The following DNAH5 variants were observed in gnomAD, a reference collection of about 807,000 sequenced individuals.
DNAH5 encodes the protein dynein axonemal heavy chain 5.
A neutral mutation model predicts 518.2 loss-of-function variants in DNAH5; 372 were observed. The observed-to-expected ratio is 0.72, with a 90% CI of 0.66 to 0.78. The LOEUF is 0.78. DNAH5 is among the 30% of genes least tolerant of loss of function. The pLI is 0.00. For missense variants in DNAH5, 5,523 were observed against 5,687.0 expected, an observed-to-expected ratio of 0.97 and a Z score of 0.93; for synonymous variants, 2,039 against 2,025.9, an observed-to-expected ratio of 1.01 and a Z score of -0.17.
intron 1 of DNAH5, among the ~76,000 whole-genome samples, chr5:13,952,466 G>T (rs993083463): frequency 1.3e-5 from 2 of 152,200 alleles, no homozygotes; most frequent in African/African-American, 4.8e-5. Flanking sequence ...CAGAAAGAGA[G>T]CACTTGGTGG....
At chr5:13,961,534 C>T (rs1021460723) in intron 1 of DNAH5, among the ~76,000 whole-genome samples, 5 of 152,094 alleles carry the variant, frequency 3.3e-5, no homozygotes, top group Admixed American at 2.6e-4. Flanking sequence ...ATCCCAGCTA[C>T]TCAGGAAGCT....
intron 49 of DNAH5, among the ~76,000 whole-genome samples, chr5:13,793,091 G>C (rs1341358985): frequency 6.6e-6 from 1 of 152,150 alleles, no homozygotes; most frequent in Non-Finnish European, 1.5e-5. Flanking sequence ...TCTGCGCTCT[G>C]GGTGCCATTA....
intron 72 of DNAH5, 94 bp downstream of exon 72, chr5:13,718,788 A>G (rs1744645019): frequency 2.8e-6 from 3 of 1,060,538 alleles, no homozygotes; most frequent in Admixed American, 1.9e-5. Context: ...ACTATTTGCT[A>G]TAACTGTATC....
intron 21 of DNAH5, among the ~76,000 whole-genome samples, chr5:13,878,488 G>A (rs1304538361): frequency 6.6e-6 from 1 of 152,154 alleles, no homozygotes; most frequent in African/African-American, 2.4e-5. Flanking sequence ...GAGCTAATGA[G>A]GCAAACAAAC....
chr5:13,920,813 G>C (rs1423113019), intron 5 of DNAH5, among the ~76,000 whole-genome samples, 196 bp from the exon 6 acceptor site: 1 of 151,910 alleles, frequency 6.6e-6, no homozygotes, highest in Non-Finnish European at 1.5e-5. Context: ...ACTTCCCTGT[G>C]ATCCTACACA....
At chr5:13,693,925 A>C (rs763748442) in intron 78 of DNAH5, among the ~76,000 whole-genome samples, 1 of 152,248 alleles carries the variant, frequency 6.6e-6, no homozygotes, top group East Asian at 1.9e-4. Flanking sequence ...AGGCAAATAT[A>C]TATGAAAAAT....
rs1298277398 is a variant in DNAH5 at position 13,754,243 on chromosome 5, C to T, written c.10515G>A (p.Glu3505=). ...TTTGTGCAGCAAACTCTTGGCTTTG[C>T]TCTGTCCATCTTTCTTTTTCACCTG... ...GLAGEKERWT[E]QSQEFAAQTK... The change falls in exon 62 of 79, where the codon GAG becomes GAA. Residue 3505 remains glutamate (E), a synonymous_variant. Coordinates refer to ENST00000265104, the MANE Select transcript of DNAH5 (RefSeq NM_001369.3). 6.2e-7 allele frequency: 1 copy of T among 1,614,072 alleles called. No individual in the cohort carries two copies. Among genetic ancestry groups the T allele is most frequent in the South Asian group, 1.1e-5 (1 of 91,078 alleles).
intron 21 of DNAH5, among the ~76,000 whole-genome samples, chr5:13,881,014 A>G (rs1223743385): frequency 6.6e-6 from 1 of 152,042 alleles, no homozygotes; most frequent in African/African-American, 2.4e-5. Flanking sequence ...TAAATGAAAA[A>G]ACAAAATAGA....
chr5:13,703,143 C>A (rs141788545), intron 76 of DNAH5, among the ~76,000 whole-genome samples: 20 of 152,160 alleles, frequency 1.3e-4, no homozygotes, highest in African/African-American at 1.7e-4. Flanking sequence ...CTGAAGTCTG[C>A]CCCCCACCCC....
intron 41 of DNAH5, 96 bp downstream of exon 41, chr5:13,820,250 A>T: frequency 8.0e-7 from 1 of 1,247,406 alleles, no homozygotes. Context: ...ATAAAAATAT[A>T]TTATTGTATC....
At chr5:13,868,456 G>C (rs1769607793) in intron 24 of DNAH5, among the ~76,000 whole-genome samples, 1 of 152,168 alleles carries the variant, frequency 6.6e-6, no homozygotes, top group African/African-American at 2.4e-5. Flanking sequence ...TAAGACACAA[G>C]GGAGGATTCT....
chr5:13,721,004 G>A lies in DNAH5; in HGVS notation c.12275C>T (p.Ala4092Val), dbSNP rs1025759175. The A allele has an allele frequency of 8.1e-6, 13 of 1,613,868 alleles. No individual in the cohort carries two copies. Among genetic ancestry groups the A allele is most frequent in the African/African-American group, 2.7e-5 (2 of 74,866 alleles). Residue 4092 changes from alanine (A) to valine (V), a missense_variant, in exon 71 of 79, where the codon GCG (alanine) becomes GTG (valine). By Grantham distance (64) the Ala-to-Val change is moderately conservative. Around this residue, in one of 3 missense-constraint regions of DNAH5, gnomAD observed 5,121 missense variants for 5,223.3 expected, o/e 0.98. Coordinates refer to ENST00000265104, the MANE Select transcript of DNAH5 (RefSeq NM_001369.3). Reference protein sequence around the residue: ...HARKLLQQTMANGGWALLQNC... With the variant: ...HARKLLQQTMVNGGWALLQNC... ...AAGTAGACTATTCAGCCTTACGTTC[G>A]CCATGGTCTGCTGCAAGAGCTTCCG...
At chr5:13,949,030 A>C (rs1278482851), upstream of DNAH5, among the ~76,000 whole-genome samples, 1 of 152,360 alleles carries the variant, frequency 6.6e-6, no homozygotes, top group African/African-American at 2.4e-5. Context: ...AAAGAAAAAA[A>C]ACACACACAA....
chr5:13,776,466 G>A lies in DNAH5; in HGVS notation c.9346C>T (p.Arg3116Ter), dbSNP rs1264701182. ...GCAACTAAAGCATCTTTGGGCCATC[G>A]GCTGAACCAGTCAATTGTGCATCCT... ...ISGCTIDWFS[R>*]WPKDALVAVS... The change falls in exon 55 of 79, where the codon CGA (arginine) becomes TGA (stop). Residue 3116 changes from arginine (R) to a stop codon, truncating the protein, a stop_gained. Transcript: ENST00000265104. LOFTEE classifies it high-confidence loss of function. The A allele has an allele frequency of 4.3e-6, 7 of 1,613,620 alleles. No individual in the cohort carries two copies. The highest frequency in any genetic ancestry group is 3.3e-5 in the Admixed American group (2 of 59,970).
At chr5:13,988,083 C>T (rs1045073375) in intron 1 of DNAH5, among the ~76,000 whole-genome samples, 6 of 152,080 alleles carry the variant, frequency 3.9e-5, no homozygotes, top group African/African-American at 1.2e-4. Context: ...GGGTCGCCTC[C>T]GCTCTTATTT....
chr5:13,762,227 AT>A (rs1311819504), intron 60 of DNAH5, among the ~76,000 whole-genome samples: 1 of 152,202 alleles, frequency 6.6e-6, no homozygotes, highest in East Asian at 1.9e-4. Context: ...AAATATTCAG[AT>A]ATTCAGTTTC....
chr5:13,746,397 C>T (rs546277070), intron 65 of DNAH5, among the ~76,000 whole-genome samples: 3 of 152,136 alleles, frequency 2.0e-5, no homozygotes, highest in African/African-American at 7.2e-5. Flanking sequence ...TTACAGAAGG[C>T]CCTGAGTTTA....
chr5:13,950,898 T>A (rs1319101874), intron 1 of DNAH5, among the ~76,000 whole-genome samples: 1 of 152,178 alleles, frequency 6.6e-6, no homozygotes, highest in Non-Finnish European at 1.5e-5. Flanking sequence ...GTAGTTATCA[T>A]CTAAAGGACA....
intron 37 of DNAH5, 71 bp downstream of exon 37, chr5:13,829,955 A>T: frequency 7.1e-7 from 1 of 1,408,310 alleles, no homozygotes; most frequent in Non-Finnish European, 1.0e-6. Context: ...CAGATGACAT[A>T]TGACCAGGGA....
Sources: gnomAD v4.1 joint callset for allele counts (sites outside exome capture counted in the v4.1 genomes callset) on GRCh38, gnomAD v4.1.1 for gene constraint, gnomAD v4.1.1 regional missense constraint, MANE v1.5 for transcripts, NCBI Gene and HGNC (gene_info 2026-07-23, HGNC 2026-07-21) for gene names.